Variants in ATP6V0D2 observed in about 807,000 individuals in gnomAD.
ATP6V0D2 encodes the protein V-type proton ATPase subunit d 2.
A neutral mutation model predicts 40.0 loss-of-function variants in ATP6V0D2; 40 were observed. The ratio of observed to expected loss-of-function variants is 1.00; its 90% CI spans 0.78 to 1.30. The LOEUF is 1.30. Among genes scored for constraint, ATP6V0D2 ranks in the 50% most tolerant of loss-of-function variants. The probability of loss-of-function intolerance (pLI) is 0.00; values close to 1 mark genes in which losing one functional copy is unlikely to be tolerated. For missense variants in ATP6V0D2, 470 were observed against 423.1 expected, an observed-to-expected ratio of 1.11 and a Z score of -0.97; for synonymous variants, 179 against 156.3, an observed-to-expected ratio of 1.15 and a Z score of -1.08.
Position 86,152,978 on chromosome 8 carries a change from C to A in ATP6V0D2, c.*1C>A, listed in dbSNP as rs1404012039. 2 of 1,587,890 alleles carry A rather than the reference C, an allele frequency of 1.3e-6. No homozygotes were observed. Among genetic ancestry groups the A allele is most frequent in the Non-Finnish European group, 1.7e-6 (2 of 1,170,368 alleles). ...CAACAGTTACATTCCAATTTTATAA[C>A]CCAAGTAAGGTTCTCAAATGTAGAA... On this transcript the variant is annotated 3_prime_UTR_variant, in exon 8 of 8. Transcript: ENST00000285393.
rs200334003 is a variant in ATP6V0D2 at position 86,150,121 on chromosome 8, G to T, written c.649G>T (p.Asp217Tyr). 5.6e-5 allele frequency: 90 copies of T among 1,611,022 alleles called. No individual in the cohort carries two copies. The highest frequency in any genetic ancestry group is 7.6e-5 in the Non-Finnish European group (89 of 1,178,516). The change falls in exon 6 of 8, where the codon GAC becomes TAC. Residue 217 changes from aspartate (D) to tyrosine (Y), a missense_variant. Asp to Tyr is a radical substitution (Grantham distance 160). Coordinates refer to ENST00000285393, the MANE Select transcript of ATP6V0D2 (RefSeq NM_152565.1). ...TGTCTTGCAAATTCAGTTTGAGGCC[G>T]ACAGACGTGCTTTTATCATCACTCT... is the stretch of plus-strand genomic sequence containing the variant. ...VMCPILEFEA[D>Y]RRAFIITLNS...
At chr8:86,108,465 C>A (rs1042232248) in intron 1 of ATP6V0D2, among the ~76,000 whole-genome samples, 1 of 152,202 alleles carries the variant, frequency 6.6e-6, no homozygotes, top group African/African-American at 2.4e-5. Flanking sequence ...CCCAAAACAA[C>A]CTGAAAGCGT....
rs1321092842 is a variant in ATP6V0D2 at position 86,153,380 on chromosome 8, G to T, written c.*403G>T. Reference sequence around the variant, plus strand: ...TCTTTTAAATTTTTTTCTAGACAGGGTCTCACTCTGTCACCTAGGCTACAG... The same window carrying T: ...TCTTTTAAATTTTTTTCTAGACAGGTTCTCACTCTGTCACCTAGGCTACAG... On this transcript the variant is annotated 3_prime_UTR_variant, in exon 8 of 8. Coordinates refer to ENST00000285393, the MANE Select transcript of ATP6V0D2 (RefSeq NM_152565.1). 6.4e-6 allele frequency: 1 copy of T among 156,452 alleles called. No homozygotes were observed. Among genetic ancestry groups the T allele is most frequent in the South Asian group, 2.0e-4 (1 of 5,116 alleles). 9.7% of individuals were successfully genotyped at this position (156,452 alleles called of 1,614,324 possible).
chr8:86,113,338 C>G (rs193106659), intron 1 of ATP6V0D2, among the ~76,000 whole-genome samples: 29 of 152,024 alleles, frequency 1.9e-4, no homozygotes, highest in Admixed American at 3.9e-4. Context: ...AAAAATTAGC[C>G]AGGTATAGTG....
intron 1 of ATP6V0D2, among the ~76,000 whole-genome samples, chr8:86,105,291 T>C (rs1818454566): frequency 6.6e-6 from 1 of 152,148 alleles, no homozygotes. Flanking sequence ...ATCTGCCTTA[T>C]TGCAAGCTTT....
At chr8:86,125,327 C>T in intron 2 of ATP6V0D2, among the ~76,000 whole-genome samples, 1 of 152,244 alleles carries the variant, frequency 6.6e-6, no homozygotes, top group South Asian at 2.1e-4. Flanking sequence ...ACTACTCCTT[C>T]CCCAGTTGTT....
intron 2 of ATP6V0D2, among the ~76,000 whole-genome samples, chr8:86,121,148 G>A (rs79108171): frequency 6.6e-6 from 1 of 152,302 alleles, no homozygotes; most frequent in Non-Finnish European, 1.5e-5. Flanking sequence ...AGACTAGATA[G>A]CACCAAAGCC....
At position 86,115,357 on chromosome 8, in the gene ATP6V0D2, C is replaced by CTTT. The variant is rs1586088786; in HGVS notation, c.302+1477_302+1478insTTT. Among the ~76,000 whole-genome samples, 22 of 79,506 alleles carry CTTT rather than the reference C, an allele frequency of 2.8e-4. 1 individual carries two copies. The highest frequency in any genetic ancestry group is 8.4e-4 in the African/African-American group (14 of 16,636). 52.2% of individuals were successfully genotyped at this position (79,506 alleles called of 152,430 possible). A position where few individuals can be genotyped will look rare whatever the true frequency, so the allele number is the denominator to read the frequency against. Reference sequence around the variant, plus strand: ...TCTTTCTTTGTCCTTCCGTATCATCCATTTTTTTTTTTTTTTTTTTTTTTT... The same window carrying CTTT: ...TCTTTCTTTGTCCTTCCGTATCATCCTTTATTTTTTTTTTTTTTTTTTTTTTTT... On this transcript the variant is annotated intron_variant, in intron 2 of 7. Transcript: ENST00000285393.
intron 5 of ATP6V0D2, among the ~76,000 whole-genome samples, chr8:86,145,211 GAAA>G (rs774045811): frequency 0.33 from 18,423 of 55,652 alleles, 3,210 homozygotes; most frequent in African/African-American, 0.53. Flanking sequence ...AAGAAAGAAA[GAAA>G]GAAAGAAAGA....
At chr8:86,151,334 T>TA (rs1319193674) in intron 6 of ATP6V0D2, 132 bp from the exon 7 acceptor site, 17 of 678,732 alleles carry the variant, frequency 2.5e-5, no homozygotes, top group East Asian at 9.2e-5. Context: ...CAAAATCCTA[T>TA]AAAAAAACAT....
chr8:86,113,135 T>G (rs1418454221), intron 1 of ATP6V0D2, among the ~76,000 whole-genome samples: 1 of 151,816 alleles, frequency 6.6e-6, no homozygotes, highest in Non-Finnish European at 1.5e-5. Flanking sequence ...TTGTTAGGTT[T>G]TTTTTTTTTT....
At chr8:86,111,873 G>A (rs1000712620) in intron 1 of ATP6V0D2, among the ~76,000 whole-genome samples, 3 of 152,124 alleles carry the variant, frequency 2.0e-5, no homozygotes, top group East Asian at 3.9e-4. Context: ...CATAAATCAA[G>A]GACCTTATCT....
chr8:86,106,742 C>T (rs1349107988), intron 1 of ATP6V0D2, among the ~76,000 whole-genome samples: 2 of 152,126 alleles, frequency 1.3e-5, no homozygotes, highest in African/African-American at 2.4e-5. Flanking sequence ...AGATTTTCAA[C>T]CCTAGTAAGA....
chr8:86,152,544 T>G (rs1819172552), intron 7 of ATP6V0D2, among the ~76,000 whole-genome samples: 1 of 152,238 alleles, frequency 6.6e-6, no homozygotes, highest in African/African-American at 2.4e-5. Flanking sequence ...CCACTAACAG[T>G]GTGAAAGCGT....
chr8:86,118,659 A>C (rs1410915688), intron 2 of ATP6V0D2, among the ~76,000 whole-genome samples: 1 of 152,152 alleles, frequency 6.6e-6, no homozygotes, highest in African/African-American at 2.4e-5. Flanking sequence ...AATACCTGGC[A>C]TGGATAATTA....
At chr8:86,143,003 A>G in intron 5 of ATP6V0D2, 49 bp downstream of exon 5, 2 of 1,331,690 alleles carry the variant, frequency 1.5e-6, no homozygotes, top group African/African-American at 1.5e-5. Flanking sequence ...GTGCTTACAT[A>G]TTTTTATTGT....
chr8:86,138,567 A>AT (rs1202929175), intron 2 of ATP6V0D2, among the ~76,000 whole-genome samples: 18 of 152,326 alleles, frequency 1.2e-4, no homozygotes, highest in African/African-American at 4.1e-4. Flanking sequence ...TCACATAAAA[A>AT]TGATTAAAAT....
At chr8:86,146,433 T>C (rs577754055) in intron 5 of ATP6V0D2, among the ~76,000 whole-genome samples, 3 of 152,254 alleles carry the variant, frequency 2.0e-5, no homozygotes, top group South Asian at 4.1e-4. Context: ...TGGTAGTTTA[T>C]GCCTGTAATC....
rs187684503 is a variant in ATP6V0D2, at chr8:86,145,470, A to G, written c.639+2516A>G. ...CTGAAATTCTTAAAATAAAGCCTAA[A>G]TAGTTGTGAAGTGAAAATCTTATCA... On this transcript the variant is annotated intron_variant, in intron 5 of 7. Coordinates refer to ENST00000285393, the MANE Select transcript of ATP6V0D2 (RefSeq NM_152565.1). 1.3e-4 allele frequency among the ~76,000 whole-genome samples: 20 copies of G among 152,240 alleles called. No individual in the cohort carries two copies. The East Asian group carries it at 2.7e-3, about 21-fold the overall frequency.
Sources: allele counts gnomAD v4.1 joint callset (sites outside exome capture counted in the v4.1 genomes callset), GRCh38; gene constraint gnomAD v4.1.1; transcripts MANE v1.5; gene names NCBI Gene and HGNC (gene_info 2026-07-23, HGNC 2026-07-21).